ETS1: variants seen among roughly 807,000 people sequenced by gnomAD.
The protein encoded by ETS1 is ETS proto-oncogene 1, transcription factor.
ETS1 carries 15 observed loss-of-function variants against 58.6 expected under a neutral mutation model. The ratio of observed to expected loss-of-function variants is 0.26; its 90% CI spans 0.17 to 0.39. The LOEUF is 0.39. Among genes scored for constraint, ETS1 ranks in the 10% least tolerant of loss-of-function variants. The pLI is 1.00. For synonymous variants in ETS1, 214 were observed against 218.2 expected, an observed-to-expected ratio of 0.98 and a Z score of 0.17; for missense variants, 417 against 610.5, an observed-to-expected ratio of 0.68 and a Z score of 3.34.
intron 3 of ETS1, among the ~76,000 whole-genome samples, chr11:128,503,117 C>G (rs1863133685): frequency 6.6e-6 from 1 of 152,194 alleles, no homozygotes; most frequent in African/African-American, 2.4e-5. Context: ...AACTTCCCAC[C>G]TTGTTCCTGG....
intron 1 of ETS1, among the ~76,000 whole-genome samples, chr11:128,576,263 T>C (rs1864746465): frequency 6.6e-6 from 1 of 152,196 alleles, no homozygotes; most frequent in Non-Finnish European, 1.5e-5. Context: ...CTTTTTCCAC[T>C]TGTAGATTGT....
intron 7 of ETS1, 47 bp from the exon 8 acceptor site, chr11:128,480,498 T>TG (rs1555074863): frequency 2.3e-6 from 3 of 1,307,668 alleles, no homozygotes; most frequent in South Asian, 1.3e-5. Flanking sequence ...GAGGAGGGAG[T>TG]GGGAAAAAAA....
rs1259443207 is a variant in ETS1, at chr11:128,556,513, A to G, written c.70-78T>C. On this transcript the variant is annotated intron_variant, in intron 2 of 9. Transcript: ENST00000392668. Reference sequence around the variant, plus strand: ...TAGCCCTAAAGAACTATGACTTCATATTATCCAATCACATGTAAGTAAGAA... The same window carrying G: ...TAGCCCTAAAGAACTATGACTTCATGTTATCCAATCACATGTAAGTAAGAA... 16 of 937,100 alleles carry G rather than the reference A, an allele frequency of 1.7e-5. No homozygotes were observed. The East Asian group carries it at 4.0e-4, about 24-fold the overall frequency. 58.0% of individuals were successfully genotyped at this position (937,100 alleles called of 1,614,324 possible).
intron 3 of ETS1, among the ~76,000 whole-genome samples, chr11:128,516,141 C>T (rs551440292): frequency 7.9e-5 from 12 of 152,140 alleles, no homozygotes; most frequent in Non-Finnish European, 1.6e-4. Flanking sequence ...TGCAGATAGG[C>T]GAAGGCTTCA....
intron 3 of ETS1, among the ~76,000 whole-genome samples, chr11:128,550,078 CTT>C (rs1864205882): frequency 3.3e-5 from 5 of 152,236 alleles, no homozygotes; most frequent in Admixed American, 3.3e-4. Flanking sequence ...CACAAGAACT[CTT>C]TGGAAAGAGT....
intron 2 of ETS1, among the ~76,000 whole-genome samples, chr11:128,564,479 C>A (rs968191829): frequency 6.6e-6 from 1 of 152,152 alleles, no homozygotes; most frequent in East Asian, 1.9e-4. Flanking sequence ...TCCCTAGGGA[C>A]CCCCTGGGGA....
At chr11:128,485,929 A>C in intron 6 of ETS1, 140 bp downstream of exon 6, 1 of 609,550 alleles carries the variant, frequency 1.6e-6, no homozygotes, top group Middle Eastern at 2.6e-4. Flanking sequence ...ATAATAAAAT[A>C]AAGTAACAAA....
intron 3 of ETS1, among the ~76,000 whole-genome samples, chr11:128,500,000 G>A (rs776010011): frequency 6.6e-6 from 1 of 152,172 alleles, no homozygotes; most frequent in Non-Finnish European, 1.5e-5. Flanking sequence ...TCCCTCCCAC[G>A]CAGGAAACAA....
intron 2 of ETS1, among the ~76,000 whole-genome samples, chr11:128,561,736 G>A (rs918475027): frequency 3.3e-5 from 5 of 152,216 alleles, no homozygotes; most frequent in African/African-American, 9.6e-5. Context: ...GAATCTACGG[G>A]ACGGACATAA....
chr11:128,570,257 A>G lies in ETS1; in HGVS notation c.69+2805T>C, dbSNP rs570973363. ...CTTTTCCTTTTTTTTTTTTTTTTAG[A>G]TGGAGTCTTGCTCTGTCACCCAGGC... On this transcript the variant is annotated intron_variant, in intron 2 of 9. Transcript: ENST00000392668. Among the ~76,000 whole-genome samples the G allele has an allele frequency of 1.1e-4, 13 of 116,550 alleles. No homozygotes were observed. In the East Asian group the frequency reaches 2.7e-3, roughly 24 times the overall value. The allele number at this position is 116,550 out of a possible 152,430, so 76.5% of individuals were successfully genotyped here. A position where few individuals can be genotyped will look rare whatever the true frequency, so the allele number is the denominator to read the frequency against.
chr11:128,468,521 G>C (rs1862099536), intron 8 of ETS1, among the ~76,000 whole-genome samples: 1 of 152,154 alleles, frequency 6.6e-6, no homozygotes, highest in South Asian at 2.1e-4. Context: ...CAAGTGAACA[G>C]GGTCAGGTTG....
At chr11:128,537,529 G>A (rs893514725) in intron 3 of ETS1, among the ~76,000 whole-genome samples, 2 of 152,082 alleles carry the variant, frequency 1.3e-5, no homozygotes, top group African/African-American at 4.8e-5. Context: ...GAAAGCAAGG[G>A]CTCAGCTCCC....
intron 1 of ETS1, among the ~76,000 whole-genome samples, chr11:128,579,194 C>T (rs1864812692): frequency 6.6e-6 from 1 of 152,136 alleles, no homozygotes; most frequent in Non-Finnish European, 1.5e-5. Flanking sequence ...AAAGCTGTGG[C>T]AGAAAATGTA....
chr11:128,498,733 G>A (rs776287931), intron 3 of ETS1, among the ~76,000 whole-genome samples: 5 of 152,166 alleles, frequency 3.3e-5, no homozygotes, highest in Non-Finnish European at 7.3e-5. Context: ...AATTTAAAAG[G>A]AAGTTTTAGC....
chr11:128,463,448 C>T lies in ETS1; in HGVS notation c.1242+61G>A, dbSNP rs1469957937. The T allele has an allele frequency of 7.0e-6, 7 of 996,290 alleles. No homozygotes were observed. In the East Asian group the frequency reaches 1.4e-4, roughly 21 times the overall value. 61.7% of individuals were successfully genotyped at this position (996,290 alleles called of 1,614,324 possible). A position where few individuals can be genotyped will look rare whatever the true frequency, so the allele number is the denominator to read the frequency against. ...CACGTCATTCAGGCCCACGCCACCC[C>T]TTCCAGGAGTTTTCTCTCATCCTTC... On this transcript the variant is annotated intron_variant, in intron 9 of 9. Coordinates refer to ENST00000392668, the MANE Select transcript of ETS1 (RefSeq NM_001143820.2). This position sits in a 1 kb window ranked among gnomAD's most constrained non-coding sequence, Gnocchi z 4.1.
chr11:128,550,967 C>T (rs911926489), intron 3 of ETS1, among the ~76,000 whole-genome samples: 47 of 152,296 alleles, frequency 3.1e-4, no homozygotes, highest in African/African-American at 1.1e-3. Context: ...CTAAGAAGAA[C>T]CGTCCAGCCT....
intron 3 of ETS1, among the ~76,000 whole-genome samples, chr11:128,516,776 T>C (rs1020919527): frequency 6.6e-6 from 1 of 152,166 alleles, no homozygotes; most frequent in Non-Finnish European, 1.5e-5. Flanking sequence ...AGGCAGCAAA[T>C]GCAACTCAAC....
At chr11:128,580,109 A>G (rs1864835269) in intron 1 of ETS1, among the ~76,000 whole-genome samples, 1 of 151,518 alleles carries the variant, frequency 6.6e-6, no homozygotes, top group Non-Finnish European at 1.5e-5. Context: ...TACTTGAAAC[A>G]GAGTTGGTGT....
At chr11:128,579,925 C>T (rs1864830983) in intron 1 of ETS1, among the ~76,000 whole-genome samples, 1 of 152,014 alleles carries the variant, frequency 6.6e-6, no homozygotes, top group Admixed American at 6.6e-5. Flanking sequence ...CCTTGATGCC[C>T]CTCCATGGGA....
Sources: allele counts gnomAD v4.1 joint callset (sites outside exome capture counted in the v4.1 genomes callset), GRCh38; gene constraint gnomAD v4.1.1; non-coding constraint Gnocchi (gnomAD v3.1); transcripts MANE v1.5; gene names NCBI Gene and HGNC (gene_info 2026-07-23, HGNC 2026-07-21).